SLC9A9: variants seen among roughly 807,000 people sequenced by gnomAD.
The protein encoded by SLC9A9 is solute carrier family 9 member A9, also known as sodium/hydrogen exchanger 9.
Under a neutral mutation model 77.8 loss-of-function variants are expected in SLC9A9, and 62 were observed. That is an observed-to-expected ratio of 0.80 (90% CI 0.65 to 0.98). The LOEUF is 0.98. SLC9A9 is among the 50% of genes least tolerant of loss of function. SLC9A9 has a pLI of 0.00. For missense variants in SLC9A9, 775 were observed against 774.9 expected (o/e 1.00, Z 0.00); for synonymous variants, 320 against 283.5 (o/e 1.13, Z -1.29).
intron 10 of SLC9A9, 49 bp downstream of exon 10, chr3:143,495,286 C>A (rs376659477): frequency 1.0e-5 from 15 of 1,441,174 alleles, no homozygotes; most frequent in Non-Finnish European, 1.5e-5. Flanking sequence ...AAAAGTAAGT[C>A]ATTCGTTATC....
intron 12 of SLC9A9, among the ~76,000 whole-genome samples, chr3:143,422,637 T>G (rs1429892561): frequency 6.6e-6 from 1 of 152,184 alleles, no homozygotes; most frequent in Non-Finnish European, 1.5e-5. Flanking sequence ...AAGCTACCTA[T>G]TGGGTCCTAT....
chr3:143,699,142 T>C (rs1933723941), intron 4 of SLC9A9, among the ~76,000 whole-genome samples: 1 of 152,220 alleles, frequency 6.6e-6, no homozygotes, highest in Non-Finnish European at 1.5e-5. Context: ...GTTCCCCTAG[T>C]GAAATTCATT....
At chr3:143,567,586 T>C (rs1429964452) in intron 8 of SLC9A9, among the ~76,000 whole-genome samples, 4 of 152,202 alleles carry the variant, frequency 2.6e-5, no homozygotes, top group Non-Finnish European at 5.9e-5. Flanking sequence ...AAGCCACTTG[T>C]TTCCATAAAA....
chr3:143,814,740 C>T (rs2008960487), intron 2 of SLC9A9, among the ~76,000 whole-genome samples: 1 of 152,028 alleles, frequency 6.6e-6, no homozygotes, highest in South Asian at 2.1e-4. Flanking sequence ...GAGAGAATGG[C>T]TGGGGAGGAG....
At chr3:143,519,378 T>C (rs2036257715) in intron 9 of SLC9A9, among the ~76,000 whole-genome samples, 1 of 151,928 alleles carries the variant, frequency 6.6e-6, no homozygotes, top group South Asian at 2.1e-4. Flanking sequence ...CTAGTTATAG[T>C]GAAGAGCAAG....
In SLC9A9 at chr3:143,266,001, A is replaced by T. The variant is rs1231680368; in HGVS notation, c.*701T>A. The T allele has an allele frequency of 1.3e-5, 9 of 697,048 alleles. No homozygotes were observed. Among genetic ancestry groups the T allele is most frequent in the Non-Finnish European group, 2.1e-5 (8 of 382,684 alleles). The allele number at this position is 697,048 out of a possible 1,614,324, so 43.2% of individuals were successfully genotyped here. A position where few individuals can be genotyped will look rare whatever the true frequency, so the allele number is the denominator to read the frequency against. ...GGGAGAAGAAACCTGGTTTTCTTGG[A>T]ATGGTCCTACTAAGCTTGAAAGTGG... On this transcript the variant is annotated 3_prime_UTR_variant, in exon 16 of 16. Transcript: ENST00000316549.
At chr3:143,516,218 C>A (rs1270226863) in intron 9 of SLC9A9, among the ~76,000 whole-genome samples, 4 of 150,444 alleles carry the variant, frequency 2.7e-5, no homozygotes, top group Non-Finnish European at 4.5e-5. Context: ...ATGCTCTTCT[C>A]TTATAGCATT....
At chr3:143,341,498 A>C (rs2032097494) in intron 14 of SLC9A9, among the ~76,000 whole-genome samples, 1 of 152,196 alleles carries the variant, frequency 6.6e-6, no homozygotes, top group Non-Finnish European at 1.5e-5. Context: ...ATTATTGGGT[A>C]TCTGTGAATT....
At chr3:143,313,279 C>G (rs748226028) in intron 14 of SLC9A9, 5 of 152,222 alleles carry the variant, frequency 3.3e-5, no homozygotes, top group Non-Finnish European at 5.9e-5. Flanking sequence ...CATAGGCACT[C>G]ACAGAGGGCA....
chr3:143,516,334 CTATT>C (rs1357973292), intron 9 of SLC9A9, among the ~76,000 whole-genome samples: 1 of 151,898 alleles, frequency 6.6e-6, no homozygotes, highest in Non-Finnish European at 1.5e-5. Flanking sequence ...GTTTTCTTAT[CTATT>C]TCTTTTTATT....
At chr3:143,298,300 C>T (rs1350434980) in intron 14 of SLC9A9, among the ~76,000 whole-genome samples, 1 of 152,190 alleles carries the variant, frequency 6.6e-6, no homozygotes, top group Non-Finnish European at 1.5e-5. Flanking sequence ...GATCTGCAAC[C>T]TAGCCCATGT....
chr3:143,273,522 C>T (rs1052928768), intron 14 of SLC9A9, among the ~76,000 whole-genome samples: 2 of 152,214 alleles, frequency 1.3e-5, no homozygotes, highest in African/African-American at 2.4e-5. Context: ...CTCACCAAGA[C>T]CTGACCACTC....
chr3:143,716,106 ACT>A (rs1432841816), intron 4 of SLC9A9, among the ~76,000 whole-genome samples: 1 of 151,934 alleles, frequency 6.6e-6, no homozygotes, highest in East Asian at 1.9e-4. Flanking sequence ...ACAGAATCTT[ACT>A]CTGTTGCCCA....
intron 9 of SLC9A9, chr3:143,517,526 C>A (rs1475889585): frequency 6.3e-7 from 1 of 1,597,486 alleles, no homozygotes; most frequent in Non-Finnish European, 8.5e-7. Context: ...ATACTTTCTC[C>A]GATGTTCTGC....
intron 14 of SLC9A9, among the ~76,000 whole-genome samples, chr3:143,322,934 AAAAC>A (rs752136633): frequency 3.2e-4 from 48 of 152,342 alleles, no homozygotes; most frequent in African/African-American, 1.1e-3. Context: ...AAAACAAAAC[AAAAC>A]AAACAAAAAA....
intron 4 of SLC9A9, among the ~76,000 whole-genome samples, chr3:143,764,902 A>G (rs1258853610): frequency 1.3e-5 from 2 of 151,936 alleles, no homozygotes; most frequent in Non-Finnish European, 2.9e-5. Context: ...TTTCATGTGT[A>G]TGAGTCCATC....
chr3:143,559,562 T>G (rs968381207), intron 8 of SLC9A9, among the ~76,000 whole-genome samples: 2 of 150,474 alleles, frequency 1.3e-5, no homozygotes, highest in African/African-American at 4.9e-5. Context: ...CAGTCTTTGT[T>G]TTTTTTTTTA....
At chr3:143,289,534 C>T (rs956618543) in intron 14 of SLC9A9, among the ~76,000 whole-genome samples, 1 of 152,124 alleles carries the variant, frequency 6.6e-6, no homozygotes, top group Non-Finnish European at 1.5e-5. Context: ...TCTCATTGAA[C>T]ATGTCATCAT....
At position 143,467,187 on chromosome 3, in the gene SLC9A9, A is replaced by G. The variant is rs1433412432; in HGVS notation, c.1319T>C (p.Leu440Ser). Residue 440 changes from leucine (L) to serine (S), a missense_variant, in exon 12 of 16, where the codon TTG (leucine) becomes TCG (serine). By Grantham distance (145) the Leu-to-Ser change is moderately radical. Transcript: ENST00000316549. The part of the protein sequence containing the change: ...NFQHMMMFSG[L>S]RGAIAFALAI... ...TAAGGCAAATGCGATCGCTCCTCGC[A>G]AACCTTGCAGGAAAAACCAAAGGAG... The G allele has an allele frequency of 6.2e-7, 1 of 1,614,206 alleles. No individual in the cohort carries two copies. Among genetic ancestry groups the G allele is most frequent in the Non-Finnish European group, 8.5e-7 (1 of 1,180,018 alleles).
Sources: gnomAD v4.1 joint callset for allele counts (sites outside exome capture counted in the v4.1 genomes callset) on GRCh38, gnomAD v4.1.1 for gene constraint, MANE v1.5 for transcripts, NCBI Gene and HGNC (gene_info 2026-07-23, HGNC 2026-07-21) for gene names.